CMYA5: variants seen among roughly 807,000 people sequenced by gnomAD.
CMYA5 encodes cardiomyopathy associated 5.
A neutral mutation model predicts 318.9 loss-of-function variants in CMYA5; 246 were observed. That is an observed-to-expected ratio of 0.77 (90% CI 0.70 to 0.86). The LOEUF (loss-of-function observed/expected upper bound fraction) is 0.86. Ranked by LOEUF, CMYA5 falls within the 40% of genes least tolerant of loss-of-function variation. The pLI, the probability that CMYA5 is intolerant of heterozygous loss-of-function variation, is 0.00. For missense variants in CMYA5, 4,589 were observed against 4,678.2 expected (o/e 0.98, Z 0.56); for synonymous variants, 1,641 against 1,729.5 (o/e 0.95, Z 1.27).
At chr5:79,726,909 ATTTTTTTTTT>A (rs34198193) in intron 1 of CMYA5, among the ~76,000 whole-genome samples, 1 of 96,040 alleles carries the variant, frequency 1.0e-5, no homozygotes, top group Non-Finnish European at 1.9e-5. Flanking sequence ...TAGGCCAGTG[ATTTTTTTTTT>A]TTTTTTTTTT....
At chr5:79,698,650 C>T (rs2151074966) in intron 1 of CMYA5, among the ~76,000 whole-genome samples, 1 of 152,364 alleles carries the variant, frequency 6.6e-6, no homozygotes, top group Admixed American at 6.5e-5. Flanking sequence ...CCTCAACTGC[C>T]CTGCCACATG....
intron 1 of CMYA5, among the ~76,000 whole-genome samples, chr5:79,715,319 G>A (rs906252866): frequency 6.6e-6 from 1 of 150,920 alleles, no homozygotes; most frequent in Admixed American, 6.6e-5. Context: ...ACAGAGTCTC[G>A]CTCTGTCACC....
intron 7 of CMYA5, among the ~76,000 whole-genome samples, chr5:79,759,440 C>G (rs1828603523): frequency 6.6e-6 from 1 of 152,210 alleles, no homozygotes. Context: ...GTTCACAGTT[C>G]CCAGGGCGTG....
chr5:79,795,180 G>C (rs572725574), intron 12 of CMYA5, among the ~76,000 whole-genome samples: 1 of 152,190 alleles, frequency 6.6e-6, no homozygotes, highest in African/African-American at 2.4e-5. Context: ...CATAGATTCT[G>C]GGAGAAAGAG....
chr5:79,726,909 A>ATTTTTTT (rs34198193), intron 1 of CMYA5, among the ~76,000 whole-genome samples: 3,976 of 95,880 alleles, frequency 0.041, 644 homozygotes, highest in African/African-American at 0.17. Context: ...TAGGCCAGTG[A>ATTTTTTT]TTTTTTTTTT....
At chr5:79,787,043 CTA>C (rs1267750884) in intron 9 of CMYA5, among the ~76,000 whole-genome samples, 2 of 152,148 alleles carry the variant, frequency 1.3e-5, no homozygotes, top group African/African-American at 4.8e-5. Context: ...ATGCAGTTGA[CTA>C]TATATGTGGA....
At chr5:79,750,772 C>T (rs1370279443) in intron 5 of CMYA5, among the ~76,000 whole-genome samples, 1 of 152,126 alleles carries the variant, frequency 6.6e-6, no homozygotes, top group African/African-American at 2.4e-5. Flanking sequence ...AAAGGAGTTG[C>T]AACCATTGTA....
intron 5 of CMYA5, among the ~76,000 whole-genome samples, chr5:79,750,836 T>C (rs1326683542): frequency 6.6e-6 from 1 of 152,174 alleles, no homozygotes; most frequent in Non-Finnish European, 1.5e-5. Context: ...GATGTTAAAC[T>C]GGAATAGGTT....
In CMYA5 at chr5:79,730,596, C is replaced by G. The variant is rs373188852; in HGVS notation, c.1831C>G (p.Gln611Glu). The G allele has an allele frequency of 2.5e-6, 4 of 1,614,022 alleles. No individual in the cohort carries two copies. The highest frequency in any genetic ancestry group is 2.5e-6 in the Non-Finnish European group (3 of 1,179,886). The change falls in exon 2 of 13, where the codon CAA (glutamine) becomes GAA (glutamate). Residue 611 changes from glutamine (Q) to glutamate (E), a missense_variant. Around this residue, in one of 3 missense-constraint regions of CMYA5, gnomAD observed 2,132 missense variants for 2,131.3 expected, o/e 1.00. Coordinates refer to ENST00000446378, the MANE Select transcript of CMYA5 (RefSeq NM_153610.5). ...GGATTTGAACCATGAATTACAGGAG[C>G]AAGAAGGTGAGCCAGTTCCCCCATC... ...PQDLNHELQE[Q>E]EGEPVPPSNV...
chr5:79,773,205 C>T (rs1828885018), intron 9 of CMYA5, among the ~76,000 whole-genome samples: 1 of 152,126 alleles, frequency 6.6e-6, no homozygotes, highest in African/African-American at 2.4e-5. Context: ...ATTGTAACTA[C>T]TCAATAAATA....
intron 1 of CMYA5, among the ~76,000 whole-genome samples, chr5:79,714,156 G>T (rs898364041): frequency 6.6e-6 from 1 of 152,056 alleles, no homozygotes; most frequent in African/African-American, 2.4e-5. Flanking sequence ...GACTTGCAAA[G>T]GTGCCCCAAA....
Position 79,690,104 on chromosome 5 carries a change from A to G in CMYA5, c.149+48A>G, listed in dbSNP as rs890092618. 2.9e-6 allele frequency: 4 copies of G among 1,386,690 alleles called. No homozygotes were observed. In the South Asian group the frequency reaches 4.9e-5, roughly 17 times the overall value. 85.9% of individuals were successfully genotyped at this position (1,386,690 alleles called of 1,614,324 possible). On this transcript the variant is annotated intron_variant, in intron 1 of 12. Transcript: ENST00000446378. ...GCCCAGGGCCTGCAGGGCAGCTAGC[A>G]GCACCCTTGCTTGTTTGCTTTAAGT...
chr5:79,791,314 A>G (rs533963036), intron 11 of CMYA5, among the ~76,000 whole-genome samples: 30 of 152,320 alleles, frequency 2.0e-4, no homozygotes, highest in Middle Eastern at 3.4e-3. Context: ...GTTTGGTTAA[A>G]ACATTGGCTA....
chr5:79,726,909 A>ATTTTTTTTTTTTTTTTTTTTTTTTTTTTT (rs34198193), intron 1 of CMYA5, among the ~76,000 whole-genome samples: 2 of 96,038 alleles, frequency 2.1e-5, no homozygotes, highest in African/African-American at 1.0e-4. Flanking sequence ...TAGGCCAGTG[A>ATTTTTTTTTTTTTTTTTTTTTTTTTTTTT]TTTTTTTTTT....
At position 79,755,987 on chromosome 5, in the gene CMYA5, T is replaced by C. The variant is rs1828520275; in HGVS notation, c.11111-2766T>C. On this transcript the variant is annotated intron_variant, in intron 6 of 12. Transcript: ENST00000446378. The stretch of plus-strand genomic sequence containing the variant: ...CAGATACAGCTCCATGTATAATTCA[T>C]AGGATAAAAGGGGGAGCATTTTCAC... Among the ~76,000 whole-genome samples, 5 of 152,328 alleles carry C rather than the reference T, an allele frequency of 3.3e-5. No homozygotes were observed. The South Asian group carries it at 8.3e-4, about 25-fold the overall frequency.
intron 1 of CMYA5, among the ~76,000 whole-genome samples, chr5:79,717,724 C>A (rs900174382): frequency 6.6e-6 from 1 of 152,120 alleles, no homozygotes; most frequent in Non-Finnish European, 1.5e-5. Flanking sequence ...GATCCTTATT[C>A]TTTCCATCCA....
At chr5:79,739,809 C>G (rs1828174556) in intron 2 of CMYA5, among the ~76,000 whole-genome samples, 1 of 151,872 alleles carries the variant, frequency 6.6e-6, no homozygotes, top group Admixed American at 6.6e-5. Flanking sequence ...ATGGGGAGAC[C>G]TTGTCTCTAC....
intron 9 of CMYA5, among the ~76,000 whole-genome samples, chr5:79,770,479 G>A (rs1828834823): frequency 6.6e-6 from 1 of 152,194 alleles, no homozygotes; most frequent in African/African-American, 2.4e-5. Flanking sequence ...GAAGACCATG[G>A]GAAAAGCGTA....
intron 4 of CMYA5, among the ~76,000 whole-genome samples, chr5:79,746,574 A>G (rs1277009275): frequency 3.4e-5 from 5 of 145,756 alleles, no homozygotes; most frequent in African/African-American, 5.1e-5. Flanking sequence ...AAAAAAAGGC[A>G]TTTCTACTTA....
Sources: gnomAD v4.1 joint callset for allele counts (sites outside exome capture counted in the v4.1 genomes callset) on GRCh38, gnomAD v4.1.1 for gene constraint, gnomAD v4.1.1 regional missense constraint, MANE v1.5 for transcripts, NCBI Gene and HGNC (gene_info 2026-07-23, HGNC 2026-07-21) for gene names.